Variants in UVRAG observed in about 807,000 individuals in gnomAD.
The protein encoded by UVRAG is UV radiation resistance associated, also known as UV radiation resistance-associated gene protein.
A neutral mutation model predicts 78.0 loss-of-function variants in UVRAG; 19 were observed. The ratio of observed to expected loss-of-function variants is 0.24; its 90% CI spans 0.17 to 0.36. UVRAG has a LOEUF of 0.36. Among genes scored for constraint, UVRAG ranks in the 10% least tolerant of loss-of-function variants. UVRAG has a pLI of 1.00. For synonymous variants in UVRAG, 323 were observed against 324.6 expected (o/e 1.00, Z 0.05); for missense variants, 740 against 853.8 (o/e 0.87, Z 1.66).
chr11:75,869,184 C>T (rs969242117), intron 3 of UVRAG, among the ~76,000 whole-genome samples: 1 of 152,212 alleles, frequency 6.6e-6, no homozygotes, highest in Non-Finnish European at 1.5e-5. Context: ...TATCCCACTT[C>T]CTTCCACTGA....
At chr11:75,880,246 C>G (rs536053690) in intron 4 of UVRAG, among the ~76,000 whole-genome samples, 1 of 152,066 alleles carries the variant, frequency 6.6e-6, no homozygotes, top group South Asian at 2.1e-4. Context: ...TGAATCATTG[C>G]CTAGTTTAAC....
chr11:76,088,366 G>T (rs1235520303), intron 13 of UVRAG, among the ~76,000 whole-genome samples: 1 of 152,002 alleles, frequency 6.6e-6, no homozygotes, highest in Non-Finnish European at 1.5e-5. Flanking sequence ...GAGGACGAGG[G>T]GTGGGAAGTT....
chr11:75,984,590 A>G (rs1417039923), intron 8 of UVRAG, among the ~76,000 whole-genome samples: 4 of 152,172 alleles, frequency 2.6e-5, no homozygotes, highest in Non-Finnish European at 4.4e-5. Context: ...CAAAGCAAAC[A>G]TACCCATGTG....
At chr11:76,065,581 T>C in intron 12 of UVRAG, 129 bp from the exon 13 acceptor site, 1 of 695,918 alleles carries the variant, frequency 1.4e-6, no homozygotes, top group Non-Finnish European at 2.5e-6. Context: ...TTGCAATGAC[T>C]ATAGCTAGGT....
chr11:75,994,362 A>C (rs1178682593), intron 8 of UVRAG, among the ~76,000 whole-genome samples: 2 of 152,192 alleles, frequency 1.3e-5, no homozygotes, highest in Non-Finnish European at 2.9e-5. Flanking sequence ...TGTATATGTG[A>C]GGTACTGGGA....
At position 75,826,693 on chromosome 11, in the gene UVRAG, C is replaced by CTT. The variant is rs11289695; in HGVS notation, c.117+11187_117+11188dup. Among the ~76,000 whole-genome samples, 26 of 133,214 alleles carry CTT rather than the reference C, an allele frequency of 2.0e-4. No homozygotes were observed. In the East Asian group the frequency reaches 2.2e-3, roughly 11 times the overall value. The allele number at this position is 133,214 out of a possible 152,430, so 87.4% of individuals were successfully genotyped here. On this transcript the variant is annotated intron_variant, in intron 1 of 14. Coordinates refer to ENST00000356136, the MANE Select transcript of UVRAG (RefSeq NM_003369.4). ...GTCCCTGGGTACTTACCATGCCTATCTTTTTTTTTTTTTTTTTTTAAATGT... is the reference window on the plus strand; with the variant it reads ...GTCCCTGGGTACTTACCATGCCTATCTTTTTTTTTTTTTTTTTTTTTAAATGT...
Position 75,852,008 on chromosome 11 carries a change from G to C in UVRAG, c.235+8G>C, listed in dbSNP as rs764140813. The C allele has an allele frequency of 1.3e-6, 2 of 1,546,486 alleles. No homozygotes were observed. Among genetic ancestry groups the C allele is most frequent in the African/African-American group, 1.4e-5 (1 of 72,400 alleles). On this transcript the variant is annotated splice_region_variant and intron_variant, in intron 2 of 14. Transcript: ENST00000356136. Reference sequence around the variant, plus strand: ...CTGAAAAGATATATAAAGGTAAGGGGATCTGTGGCCTTACTACCCACAGAT... The same window carrying C: ...CTGAAAAGATATATAAAGGTAAGGGCATCTGTGGCCTTACTACCCACAGAT...
intron 13 of UVRAG, among the ~76,000 whole-genome samples, chr11:76,073,348 G>C (rs1951349862): frequency 6.6e-6 from 1 of 152,028 alleles, no homozygotes; most frequent in South Asian, 2.1e-4. Context: ...ACAAATTATG[G>C]TTATTTAGAC....
chr11:75,949,734 T>C (rs893870590), intron 6 of UVRAG, among the ~76,000 whole-genome samples: 42 of 146,192 alleles, frequency 2.9e-4, no homozygotes, highest in African/African-American at 1.1e-3. Flanking sequence ...CACACACATA[T>C]ACACATATAT....
intron 1 of UVRAG, among the ~76,000 whole-genome samples, chr11:75,842,961 A>G (rs1945948942): frequency 6.6e-6 from 1 of 152,168 alleles, no homozygotes; most frequent in Non-Finnish European, 1.5e-5. Flanking sequence ...TTTAAGAACC[A>G]TACTACTTTT....
At chr11:76,028,398 T>C (rs1321300138) in intron 12 of UVRAG, among the ~76,000 whole-genome samples, 2 of 152,084 alleles carry the variant, frequency 1.3e-5, no homozygotes, top group African/African-American at 4.8e-5. Context: ...AGAGTTCCAA[T>C]ATCTCATTTT....
chr11:75,816,231 T>C (rs1945260974), intron 1 of UVRAG, among the ~76,000 whole-genome samples: 1 of 152,220 alleles, frequency 6.6e-6, no homozygotes, highest in African/African-American at 2.4e-5. Flanking sequence ...GGAAGGGCTT[T>C]GAGGACTTCT....
intron 8 of UVRAG, among the ~76,000 whole-genome samples, chr11:75,985,187 C>T (rs561448778): frequency 4.2e-5 from 5 of 119,662 alleles, no homozygotes; most frequent in East Asian, 2.3e-4. Context: ...TTGTATTTAT[C>T]GCATTTGGTA....
intron 2 of UVRAG, among the ~76,000 whole-genome samples, chr11:75,852,659 G>A (rs1038905801): frequency 6.6e-6 from 1 of 152,130 alleles, no homozygotes; most frequent in Non-Finnish European, 1.5e-5. Context: ...TTCTAGCCCA[G>A]CTACTCACTA....
At chr11:75,921,187 G>T (rs1054677443) in intron 6 of UVRAG, among the ~76,000 whole-genome samples, 2 of 152,084 alleles carry the variant, frequency 1.3e-5, no homozygotes, top group Admixed American at 6.5e-5. Context: ...AAAATAAATG[G>T]CATTACTCCT....
chr11:75,818,180 C>T (rs1238430497), intron 1 of UVRAG, among the ~76,000 whole-genome samples: 3 of 152,242 alleles, frequency 2.0e-5, no homozygotes, highest in African/African-American at 7.2e-5. Flanking sequence ...AAAGGAACCA[C>T]TTTTCTGATT....
chr11:76,059,775 A>G (rs737083), intron 12 of UVRAG, among the ~76,000 whole-genome samples: 4,403 of 152,314 alleles, frequency 0.029, 222 homozygotes, highest in African/African-American at 0.1. Flanking sequence ...AAGTCCAAGT[A>G]ATTGATAGAG....
chr11:76,060,291 T>G (rs553492830), intron 12 of UVRAG, among the ~76,000 whole-genome samples: 44 of 152,252 alleles, frequency 2.9e-4, no homozygotes, highest in South Asian at 8.3e-4. Context: ...TTACCAGATT[T>G]CAGTCGGTCT....
At chr11:76,115,141 A>G (rs536488767) in intron 13 of UVRAG, among the ~76,000 whole-genome samples, 1 of 152,356 alleles carries the variant, frequency 6.6e-6, no homozygotes, top group South Asian at 2.1e-4. Context: ...TCAGAGACAC[A>G]GTGAAAGGAA....
Sources: allele counts gnomAD v4.1 joint callset (sites outside exome capture counted in the v4.1 genomes callset), GRCh38; gene constraint gnomAD v4.1.1; transcripts MANE v1.5; gene names NCBI Gene and HGNC (gene_info 2026-07-23, HGNC 2026-07-21).